CACUL1: variants seen among roughly 807,000 people sequenced by gnomAD.
The protein encoded by CACUL1 is CDK2-associated and cullin domain-containing protein 1.
CACUL1 carries 13 observed loss-of-function variants against 45.2 expected under a neutral mutation model. The observed-to-expected ratio is 0.29, with a 90% confidence interval of 0.19 to 0.46. The LOEUF is 0.46. Among genes scored for constraint, CACUL1 ranks in the 20% least tolerant of loss-of-function variants. CACUL1 has a pLI of 1.00. For synonymous variants in CACUL1, 197 were observed against 174.2 expected, an observed-to-expected ratio of 1.13 and a Z score of -1.03; for missense variants, 421 against 471.4, an observed-to-expected ratio of 0.89 and a Z score of 0.99.
intron 1 of CACUL1, among the ~76,000 whole-genome samples, chr10:118,734,277 C>T (rs2119650925): frequency 6.6e-6 from 1 of 152,330 alleles, no homozygotes; most frequent in South Asian, 2.1e-4. Flanking sequence ...TATATTGCGG[C>T]TGTGCCAGTG....
intron 4 of CACUL1, among the ~76,000 whole-genome samples, chr10:118,703,964 AT>A (rs35107331): frequency 0.04 from 6,073 of 152,052 alleles, 379 homozygotes; most frequent in African/African-American, 0.14. Context: ...CCAATTTTGC[AT>A]TTTTTCCCCA....
intron 7 of CACUL1, among the ~76,000 whole-genome samples, chr10:118,688,182 G>A (rs1372827749): frequency 1.3e-5 from 2 of 152,188 alleles, no homozygotes; most frequent in Admixed American, 6.5e-5. Context: ...GGGTTTTTCT[G>A]TAGGCACCAC....
At chr10:118,737,315 T>C (rs1286396019) in intron 1 of CACUL1, among the ~76,000 whole-genome samples, 1 of 152,218 alleles carries the variant, frequency 6.6e-6, no homozygotes, top group Non-Finnish European at 1.5e-5. Flanking sequence ...TTAAACACTA[T>C]GGACAATTTA....
chr10:118,701,683 T>C (rs893532447), intron 4 of CACUL1, among the ~76,000 whole-genome samples: 6 of 152,184 alleles, frequency 3.9e-5, no homozygotes, highest in African/African-American at 1.4e-4. Context: ...CATTGTAGAA[T>C]CACACTGTGT....
intron 3 of CACUL1, chr10:118,726,244 C>T: frequency 9.5e-7 from 1 of 1,057,660 alleles, no homozygotes; most frequent in Non-Finnish European, 1.3e-6. Flanking sequence ...TCAGGCCACA[C>T]ACATCACACT....
intron 1 of CACUL1, among the ~76,000 whole-genome samples, chr10:118,743,136 G>C (rs966992677): frequency 2.0e-5 from 3 of 151,990 alleles, no homozygotes; most frequent in Non-Finnish European, 4.4e-5. Context: ...GAAAACATTA[G>C]TGAGCATGAA....
intron 1 of CACUL1, among the ~76,000 whole-genome samples, chr10:118,736,773 A>C (rs1320055682): frequency 1.3e-5 from 2 of 152,190 alleles, no homozygotes; most frequent in Non-Finnish European, 2.9e-5. Flanking sequence ...TGGAAGTTCC[A>C]ATCATGATAG....
chr10:118,744,162 G>C (rs192934345), intron 1 of CACUL1, among the ~76,000 whole-genome samples: 1 of 152,318 alleles, frequency 6.6e-6, no homozygotes, highest in East Asian at 1.9e-4. Flanking sequence ...GAGGAGGGTG[G>C]ATCACCTGAG....
chr10:118,726,763 C>T (rs549545344), intron 3 of CACUL1, among the ~76,000 whole-genome samples: 81 of 152,150 alleles, frequency 5.3e-4, no homozygotes, highest in African/African-American at 1.9e-3. Flanking sequence ...TACCTTACAC[C>T]TTAGTGTGAA....
intron 3 of CACUL1, among the ~76,000 whole-genome samples, chr10:118,709,309 C>A (rs185029432): frequency 6.6e-6 from 1 of 152,188 alleles, no homozygotes; most frequent in African/African-American, 2.4e-5. Context: ...CAAGGGTCAA[C>A]TGTATTTTGT....
At chr10:118,740,857 C>A (rs575728736) in intron 1 of CACUL1, among the ~76,000 whole-genome samples, 43 of 150,286 alleles carry the variant, frequency 2.9e-4, no homozygotes, top group Non-Finnish European at 4.4e-4. Flanking sequence ...ACCCGGGAGA[C>A]GGAGCTTGCA....
chr10:118,716,469 T>G lies in CACUL1; in HGVS notation c.598-8882A>C, dbSNP rs1367538662. 2.0e-5 allele frequency among the ~76,000 whole-genome samples: 3 copies of G among 152,226 alleles called. No homozygotes were observed. In the South Asian group the frequency reaches 6.2e-4, roughly 32 times the overall value. On this transcript the variant is annotated intron_variant, in intron 3 of 8. Transcript: ENST00000369151. ...CTGTTTGGACACATCATTGCCTATTTCATCAGTCCCTTGTCACTGGATACT... is the reference window on the plus strand; with the variant it reads ...CTGTTTGGACACATCATTGCCTATTGCATCAGTCCCTTGTCACTGGATACT...
At chr10:118,743,114 G>A (rs1845807198) in intron 1 of CACUL1, among the ~76,000 whole-genome samples, 1 of 151,804 alleles carries the variant, frequency 6.6e-6, no homozygotes, top group South Asian at 2.1e-4. Context: ...CAGCAGATTA[G>A]ATACTAAAAA....
At chr10:118,724,724 G>A (rs1206340626) in intron 3 of CACUL1, among the ~76,000 whole-genome samples, 1 of 152,182 alleles carries the variant, frequency 6.6e-6, no homozygotes, top group Non-Finnish European at 1.5e-5. Flanking sequence ...TGACGTGGAA[G>A]AGGAAGACAA....
Position 118,754,928 on chromosome 10 carries a change from A to G in CACUL1, c.-166T>C. The G allele has an allele frequency of 2.1e-6, 2 of 946,356 alleles. No homozygotes were observed. Among genetic ancestry groups the G allele is most frequent in the Non-Finnish European group, 3.0e-6 (2 of 676,584 alleles). The allele number at this position is 946,356 out of a possible 1,614,324, so 58.6% of individuals were successfully genotyped here. On this transcript the variant is annotated 5_prime_UTR_variant, in exon 1 of 9. Transcript: ENST00000369151. ...TCTCTCGCTCTCCGCGGGGCCGACT[A>G]GCTTGAAGACGCGGCTGACGGCGGT...
At chr10:118,702,152 C>A (rs1207815978) in intron 4 of CACUL1, among the ~76,000 whole-genome samples, 1 of 152,170 alleles carries the variant, frequency 6.6e-6, no homozygotes, top group Non-Finnish European at 1.5e-5. Flanking sequence ...GGGCCGAGCA[C>A]CTTGTGACCC....
At chr10:118,749,484 C>G (rs1461523078) in intron 1 of CACUL1, among the ~76,000 whole-genome samples, 1 of 152,196 alleles carries the variant, frequency 6.6e-6, no homozygotes, top group African/African-American at 2.4e-5. Flanking sequence ...ACAGAGGTCT[C>G]ACCTAAGTGG....
At position 118,684,394 on chromosome 10, in the gene CACUL1, G is replaced by C. The variant is rs952665041; in HGVS notation, c.*1734C>G. 8 of 152,192 alleles carry C rather than the reference G, an allele frequency of 5.3e-5. No individual in the cohort carries two copies. The highest frequency in any genetic ancestry group is 1.3e-4 in the Admixed American group (2 of 15,284). 9.4% of individuals were successfully genotyped at this position (152,192 alleles called of 1,614,324 possible). ...TGTCATGATGAATGGAATTCTCCTT[G>C]ATACTAGAATGTTACCAGTGTAGCA... is the stretch of plus-strand genomic sequence containing the variant. On this transcript the variant is annotated 3_prime_UTR_variant, in exon 9 of 9. Transcript: ENST00000369151.
intron 1 of CACUL1, among the ~76,000 whole-genome samples, chr10:118,733,091 G>A (rs550002724): frequency 2.6e-4 from 40 of 152,262 alleles, no homozygotes; most frequent in African/African-American, 9.6e-4. Flanking sequence ...GGCTCCAGCT[G>A]GGAGCACTCC....
Sources: allele counts gnomAD v4.1 joint callset (sites outside exome capture counted in the v4.1 genomes callset), GRCh38; gene constraint gnomAD v4.1.1; transcripts MANE v1.5; gene names NCBI Gene and HGNC (gene_info 2026-07-23, HGNC 2026-07-21).